The following TRMT9B variants were observed in gnomAD, a reference collection of about 807,000 sequenced individuals.
TRMT9B encodes the protein probable tRNA methyltransferase 9B.
A neutral mutation model predicts 11.5 loss-of-function variants in TRMT9B; 16 were observed. The observed-to-expected ratio is 1.39, with a 90% CI of 0.94 to 2.11. The LOEUF is 2.11. TRMT9B is among the 30% of genes most tolerant of loss of function. The pLI, the probability that TRMT9B is intolerant of heterozygous loss-of-function variation, is 0.00. For missense variants in TRMT9B, 941 were observed against 553.8 expected, an observed-to-expected ratio of 1.70 and a Z score of -7.02; for synonymous variants, 274 against 192.4, an observed-to-expected ratio of 1.42 and a Z score of -3.51.
intron 2 of TRMT9B, among the ~76,000 whole-genome samples, chr8:12,991,447 G>C (rs770875964): frequency 3.3e-5 from 5 of 152,164 alleles, no homozygotes; most frequent in Admixed American, 1.3e-4. Context: ...TCTTTTAACT[G>C]TTCGGACCAA....
chr8:13,013,276 A>T (rs1811995705), intron 4 of TRMT9B, among the ~76,000 whole-genome samples: 1 of 152,216 alleles, frequency 6.6e-6, no homozygotes, highest in South Asian at 2.1e-4. Flanking sequence ...AGGGCTAACA[A>T]ACCAAATGTC....
chr8:13,014,407 C>T (rs1033363400), intron 4 of TRMT9B, among the ~76,000 whole-genome samples: 1 of 152,160 alleles, frequency 6.6e-6, no homozygotes, highest in African/African-American at 2.4e-5. Flanking sequence ...GACCCTCCTA[C>T]CAGGTTGCAG....
At chr8:12,972,809 G>A (rs898112327) in intron 1 of TRMT9B, among the ~76,000 whole-genome samples, 1 of 151,308 alleles carries the variant, frequency 6.6e-6, no homozygotes, top group Non-Finnish European at 1.5e-5. Flanking sequence ...TGACTGAAAT[G>A]TTTTTTATTG....
chr8:13,003,635 G>C (rs1419525625), intron 2 of TRMT9B, among the ~76,000 whole-genome samples: 1 of 151,750 alleles, frequency 6.6e-6, no homozygotes, highest in Non-Finnish European at 1.5e-5. Flanking sequence ...ATCGGAAAGA[G>C]CCTTATGTGC....
At chr8:12,975,186 A>T (rs1804251741) in intron 1 of TRMT9B, among the ~76,000 whole-genome samples, 1 of 152,148 alleles carries the variant, frequency 6.6e-6, no homozygotes, top group African/African-American at 2.4e-5. Flanking sequence ...AAGTACAGAT[A>T]GTTCATCCTC....
At chr8:12,987,534 C>G (rs1207864591) in intron 1 of TRMT9B, among the ~76,000 whole-genome samples, 4 of 151,956 alleles carry the variant, frequency 2.6e-5, no homozygotes, top group Admixed American at 6.6e-5. Flanking sequence ...CTACAAAAAT[C>G]ACAAAATTAG....
intron 4 of TRMT9B, among the ~76,000 whole-genome samples, chr8:13,019,610 C>A (rs147778522): frequency 9.2e-5 from 14 of 152,282 alleles, no homozygotes; most frequent in African/African-American, 3.4e-4. Context: ...ATATTAATGG[C>A]CCTTAGTAAC....
intron 3 of TRMT9B, 150 bp downstream of exon 3, chr8:13,006,506 C>G (rs1810506435): frequency 2.0e-6 from 3 of 1,477,442 alleles, no homozygotes; most frequent in Non-Finnish European, 2.7e-6. Flanking sequence ...GCATGAAATA[C>G]CTTCCATTGA....
intron 3 of TRMT9B, chr8:13,006,709 AC>A: frequency 8.0e-7 from 1 of 1,252,430 alleles, no homozygotes; most frequent in Non-Finnish European, 1.0e-6. Context: ...ACTCTTGTCA[AC>A]CAGATTGGAG....
At chr8:13,014,142 G>A (rs565252936) in intron 4 of TRMT9B, among the ~76,000 whole-genome samples, 9 of 152,252 alleles carry the variant, frequency 5.9e-5, no homozygotes, top group African/African-American at 2.2e-4. Context: ...AGGCAGACCT[G>A]GAAGCCATAA....
chr8:13,005,213 C>T (rs545576256), intron 2 of TRMT9B, among the ~76,000 whole-genome samples: 7 of 152,154 alleles, frequency 4.6e-5, no homozygotes, highest in Admixed American at 3.9e-4. Context: ...TATGTTCTCA[C>T]TTATTTGTGG....
intron 3 of TRMT9B, among the ~76,000 whole-genome samples, chr8:13,008,079 T>A (rs1810838008): frequency 6.6e-6 from 1 of 152,232 alleles, no homozygotes; most frequent in South Asian, 2.1e-4. Context: ...CCTGTAAGCT[T>A]CAGGTCACAA....
intron 1 of TRMT9B, among the ~76,000 whole-genome samples, chr8:12,974,009 A>AT (rs570551082): frequency 7.2e-5 from 11 of 151,922 alleles, no homozygotes; most frequent in Non-Finnish European, 1.3e-4. Flanking sequence ...ATATATTAAA[A>AT]TTTTTTTTTT....
At chr8:13,012,106 C>T (rs899626406) in intron 3 of TRMT9B, 70 of 985,252 alleles carry the variant, frequency 7.1e-5, no homozygotes, top group South Asian at 9.4e-5. Context: ...GCCTTGGTTG[C>T]GCCAGTGTAC....
chr8:13,023,049 G>A lies in TRMT9B; in HGVS notation c.*1005G>A, dbSNP rs1471436569. On this transcript the variant is annotated 3_prime_UTR_variant, in exon 5 of 5. Coordinates refer to ENST00000524591, the MANE Select transcript of TRMT9B (RefSeq NM_020844.3). ...TAAGGAGTGGAGTATGTAGGTAGTA[G>A]GAGTTATATGCAAGTACCCAAGTGG... 6.0e-6 allele frequency: 1 copy of A among 167,008 alleles called. No homozygotes were observed. Among genetic ancestry groups the A allele is most frequent in the African/African-American group, 2.4e-5 (1 of 41,434 alleles). The allele number at this position is 167,008 out of a possible 1,614,324, so 10.3% of individuals were successfully genotyped here. A position where few individuals can be genotyped will look rare whatever the true frequency, so the allele number is the denominator to read the frequency against.
rs1323523263 is a variant in TRMT9B, at chr8:13,025,115, A to G, written c.*3071A>G. 1.8e-5 allele frequency: 3 copies of G among 166,994 alleles called. No homozygotes were observed. The highest frequency in any genetic ancestry group is 3.9e-4 in the East Asian group (2 of 5,190). 10.3% of individuals were successfully genotyped at this position (166,994 alleles called of 1,614,324 possible). ...TCACTTACTTCCTTATTAATACTAG[A>G]TCACACAGTGTCTTTCTTATTCCTT... is the stretch of plus-strand genomic sequence containing the variant. On this transcript the variant is annotated 3_prime_UTR_variant, in exon 5 of 5. Coordinates refer to ENST00000524591, the MANE Select transcript of TRMT9B (RefSeq NM_020844.3).
chr8:12,953,464 C>A (rs1168483287), intron 1 of TRMT9B, among the ~76,000 whole-genome samples: 1 of 152,168 alleles, frequency 6.6e-6, no homozygotes, highest in African/African-American at 2.4e-5. Flanking sequence ...ATTCTCCTGC[C>A]TCAGCCTCCC....
In TRMT9B at chr8:13,023,894, G is replaced by T. The variant is rs556342648; in HGVS notation, c.*1850G>T. ...TCTCTTTTGGCTTCAAAATAAGATTGTGTTATCACCATTTTGGTAGATGAG... is the reference window on the plus strand; with the variant it reads ...TCTCTTTTGGCTTCAAAATAAGATTTTGTTATCACCATTTTGGTAGATGAG... On this transcript the variant is annotated 3_prime_UTR_variant, in exon 5 of 5. Transcript: ENST00000524591. The T allele has an allele frequency of 1.8e-5, 3 of 167,082 alleles. No individual in the cohort carries two copies. The South Asian group carries it at 6.2e-4, about 35-fold the overall frequency. 10.3% of individuals were successfully genotyped at this position (167,082 alleles called of 1,614,324 possible).
At chr8:12,968,345 T>C (rs938852794) in intron 1 of TRMT9B, among the ~76,000 whole-genome samples, 6 of 152,194 alleles carry the variant, frequency 3.9e-5, no homozygotes, top group Non-Finnish European at 7.3e-5. Flanking sequence ...CTGGTTTCTG[T>C]CCCTTTAATC....
Sources: allele counts gnomAD v4.1 joint callset (sites outside exome capture counted in the v4.1 genomes callset), GRCh38; gene constraint gnomAD v4.1.1; transcripts MANE v1.5; gene names NCBI Gene and HGNC (gene_info 2026-07-23, HGNC 2026-07-21).